NXPH2: variants seen among roughly 807,000 people sequenced by gnomAD.
NXPH2 encodes the protein neurexophilin 2, also known as neurexophilin-2.
Under a neutral mutation model 19.8 loss-of-function variants are expected in NXPH2, and 5 were observed. The ratio of observed to expected loss-of-function variants is 0.25; its 90% CI spans 0.13 to 0.53. NXPH2 has a LOEUF of 0.53. NXPH2 is among the 20% of genes least tolerant of loss of function. The pLI is 0.96. For missense variants in NXPH2, 289 were observed against 322.8 expected (o/e 0.90, Z 0.80); for synonymous variants, 154 against 127.4 (o/e 1.21, Z -1.41).
At chr2:138,728,956 G>T (rs1323499942) in intron 1 of NXPH2, among the ~76,000 whole-genome samples, 1 of 152,100 alleles carries the variant, frequency 6.6e-6, no homozygotes, top group Non-Finnish European at 1.5e-5. Flanking sequence ...CCTTAATAAG[G>T]TCTCTTAGGA....
At chr2:138,692,357 C>T (rs1450643187) in intron 1 of NXPH2, among the ~76,000 whole-genome samples, 2 of 152,128 alleles carry the variant, frequency 1.3e-5, no homozygotes, top group African/African-American at 4.8e-5. Flanking sequence ...TATCATCAGC[C>T]ACTGCAGTTC....
intron 1 of NXPH2, among the ~76,000 whole-genome samples, chr2:138,699,415 G>T (rs1355747347): frequency 6.6e-6 from 1 of 152,120 alleles, no homozygotes; most frequent in Non-Finnish European, 1.5e-5. Flanking sequence ...AGGCAATCTA[G>T]ATTACCAGTC....
intron 1 of NXPH2, among the ~76,000 whole-genome samples, chr2:138,759,621 G>GTA (rs1172465525): frequency 6.6e-6 from 1 of 151,112 alleles, no homozygotes; most frequent in Admixed American, 6.6e-5. Flanking sequence ...ATTTCCACTT[G>GTA]TATATCACGA....
intron 1 of NXPH2, among the ~76,000 whole-genome samples, chr2:138,700,439 G>A (rs1179506779): frequency 1.3e-5 from 2 of 152,050 alleles, no homozygotes; most frequent in Non-Finnish European, 2.9e-5. Flanking sequence ...TGGGTATCAA[G>A]CCACATAAAT....
At chr2:138,722,300 T>C (rs1292098358) in intron 1 of NXPH2, among the ~76,000 whole-genome samples, 2 of 152,208 alleles carry the variant, frequency 1.3e-5, no homozygotes, top group Non-Finnish European at 1.5e-5. Context: ...AAATAAGCTT[T>C]GAACACATTT....
At chr2:138,754,853 T>G (rs572306280) in intron 1 of NXPH2, among the ~76,000 whole-genome samples, 187 of 152,246 alleles carry the variant, frequency 1.2e-3, no homozygotes, top group African/African-American at 4.2e-3. Flanking sequence ...GAGTTCCTGT[T>G]GCTTTGCATC....
intron 1 of NXPH2, among the ~76,000 whole-genome samples, chr2:138,693,423 A>T (rs922555165): frequency 6.6e-6 from 1 of 152,140 alleles, no homozygotes; most frequent in Middle Eastern, 3.2e-3. Flanking sequence ...AGAATTAGCG[A>T]TTAACTTCTG....
chr2:138,678,203 A>G (rs763207784), intron 1 of NXPH2, among the ~76,000 whole-genome samples: 13 of 152,180 alleles, frequency 8.5e-5, no homozygotes, highest in Non-Finnish European at 1.8e-4. Flanking sequence ...ATACCCTTCA[A>G]TTTTGCTTTA....
At chr2:138,675,491 G>T (rs1013167820) in intron 1 of NXPH2, among the ~76,000 whole-genome samples, 2 of 151,870 alleles carry the variant, frequency 1.3e-5, no homozygotes, top group African/African-American at 4.8e-5. Context: ...CCATTGTGAT[G>T]GTTCTGAGAT....
At chr2:138,746,627 T>G (rs1393573112) in intron 1 of NXPH2, among the ~76,000 whole-genome samples, 1 of 152,202 alleles carries the variant, frequency 6.6e-6, no homozygotes, top group Non-Finnish European at 1.5e-5. Context: ...TTCTTGTAAA[T>G]GAAATGTCAA....
At chr2:138,732,445 G>T (rs916033018) in intron 1 of NXPH2, among the ~76,000 whole-genome samples, 4 of 152,152 alleles carry the variant, frequency 2.6e-5, no homozygotes, top group African/African-American at 9.7e-5. Flanking sequence ...AGATTGCGAA[G>T]GAGGGGATTC....
chr2:138,707,454 A>T (rs1457525139), intron 1 of NXPH2, among the ~76,000 whole-genome samples: 1 of 152,044 alleles, frequency 6.6e-6, no homozygotes, highest in Non-Finnish European at 1.5e-5. Flanking sequence ...TGGGGGGGAG[A>T]AAAGCTTCTA....
At chr2:138,720,421 A>G (rs1241096312) in intron 1 of NXPH2, among the ~76,000 whole-genome samples, 1 of 152,236 alleles carries the variant, frequency 6.6e-6, no homozygotes, top group Non-Finnish European at 1.5e-5. Context: ...AAGAGCAGGC[A>G]TTTCTTCGGC....
intron 1 of NXPH2, among the ~76,000 whole-genome samples, chr2:138,758,838 C>T (rs1202709902): frequency 6.6e-6 from 1 of 152,166 alleles, no homozygotes; most frequent in Non-Finnish European, 1.5e-5. Context: ...CCAAGCCACT[C>T]CAATCTTCTG....
At chr2:138,718,806 G>A (rs1681232720) in intron 1 of NXPH2, among the ~76,000 whole-genome samples, 1 of 152,146 alleles carries the variant, frequency 6.6e-6, no homozygotes, top group African/African-American at 2.4e-5. Context: ...TTTAAAGTTG[G>A]TTCAAAAGCT....
intron 1 of NXPH2, among the ~76,000 whole-genome samples, chr2:138,755,575 C>T (rs577752047): frequency 6.6e-5 from 10 of 152,066 alleles, no homozygotes; most frequent in Non-Finnish European, 1.5e-4. Context: ...GTATTGAATA[C>T]TACAGCCTAA....
At chr2:138,700,392 T>A (rs1680901711) in intron 1 of NXPH2, among the ~76,000 whole-genome samples, 2 of 152,304 alleles carry the variant, frequency 1.3e-5, no homozygotes, top group South Asian at 4.1e-4. Context: ...ATTTCTACTG[T>A]GCTGAAACAG....
At position 138,748,493 on chromosome 2, in the gene NXPH2, G is replaced by A. The variant is rs530020814; in HGVS notation, c.51+31698C>T. Among the ~76,000 whole-genome samples the A allele has an allele frequency of 5.9e-5, 9 of 152,204 alleles. No individual in the cohort carries two copies. The South Asian group carries it at 1.7e-3, about 28-fold the overall frequency. ...GAATAGAGTACAAATAACAAACGGT[G>A]TGCAAAAAATGTGGTAGTGCCTGGA... On this transcript the variant is annotated intron_variant, in intron 1 of 1. Transcript: ENST00000272641.
intron 1 of NXPH2, among the ~76,000 whole-genome samples, chr2:138,739,248 C>T (rs1420664001): frequency 6.6e-6 from 1 of 152,126 alleles, no homozygotes; most frequent in African/African-American, 2.4e-5. Context: ...TAGACTAATA[C>T]ACTAGGAGGC....
Sources: gnomAD v4.1 joint callset for allele counts (sites outside exome capture counted in the v4.1 genomes callset) on GRCh38, gnomAD v4.1.1 for gene constraint, MANE v1.5 for transcripts, NCBI Gene and HGNC (gene_info 2026-07-23, HGNC 2026-07-21) for gene names.